Variants in EXOC6 observed in about 807,000 individuals in gnomAD.
The protein encoded by EXOC6 is SEC15-like 1.
Under a neutral mutation model 112.5 loss-of-function variants are expected in EXOC6, and 60 were observed. The ratio of observed to expected loss-of-function variants is 0.53; its 90% CI spans 0.43 to 0.66. EXOC6 has a LOEUF of 0.66. Ranked by LOEUF, EXOC6 falls within the 30% of genes least tolerant of loss-of-function variation. The pLI is 0.00. For synonymous variants in EXOC6, 295 were observed against 308.0 expected (o/e 0.96, Z 0.44); for missense variants, 855 against 957.1 (o/e 0.89, Z 1.41).
At chr10:92,949,875 C>T (rs1412700553) in intron 14 of EXOC6, among the ~76,000 whole-genome samples, 4 of 152,102 alleles carry the variant, frequency 2.6e-5, no homozygotes, top group African/African-American at 4.8e-5. Flanking sequence ...GGATTACAGG[C>T]GTGAGCCACT....
chr10:92,915,771 A>C lies in EXOC6; in HGVS notation c.677A>C (p.Lys226Thr). The C allele has an allele frequency of 3.9e-6, 6 of 1,529,634 alleles. No individual in the cohort carries two copies. The highest frequency in any genetic ancestry group is 5.2e-6 in the Non-Finnish European group (6 of 1,150,480). 94.8% of individuals were successfully genotyped at this position (1,529,634 alleles called of 1,614,324 possible). ...ETAMKQAQHQKTFSVSLQKQN... is the reference protein window; with the variant it reads ...ETAMKQAQHQTTFSVSLQKQN... Reference sequence around the variant, plus strand: ...TCTTCAAAATAGGCACAGCATCAGAAAACCTTCAGTGTTTCTCTGCAGAAA... The same window carrying C: ...TCTTCAAAATAGGCACAGCATCAGACAACCTTCAGTGTTTCTCTGCAGAAA... Residue 226 changes from lysine to threonine, a missense_variant, in exon 7 of 22, where the codon AAA becomes ACA. Transcript: ENST00000260762.
chr10:92,883,428 G>T (rs888781077), intron 1 of EXOC6, among the ~76,000 whole-genome samples: 9 of 152,124 alleles, frequency 5.9e-5, no homozygotes, highest in African/African-American at 2.2e-4. Context: ...TTAATATTCA[G>T]AAAAATATAG....
chr10:92,973,921 C>G, intron 17 of EXOC6, 132 bp from the exon 18 acceptor site: 1 of 698,744 alleles, frequency 1.4e-6, no homozygotes, highest in Non-Finnish European at 2.2e-6. Context: ...AAAAAACCAA[C>G]AGTTTTCCTG....
intron 20 of EXOC6, among the ~76,000 whole-genome samples, chr10:93,048,467 C>T (rs892878446): frequency 1.3e-5 from 2 of 150,982 alleles, no homozygotes; most frequent in East Asian, 2.0e-4. Flanking sequence ...GGTGAAACCT[C>T]GTCTCTAATA....
chr10:92,909,682 G>A lies in EXOC6; in HGVS notation c.663+51G>A, dbSNP rs758067467. On this transcript the variant is annotated intron_variant, in intron 6 of 21. Coordinates refer to ENST00000260762, the MANE Select transcript of EXOC6 (RefSeq NM_019053.6). ...AATATTATTTAGTAATACAGGATCT[G>A]GAAAATATCCAAGGTTTACTTCTTT... 5 of 1,109,590 alleles carry A rather than the reference G, an allele frequency of 4.5e-6. No homozygotes were observed. The East Asian group carries it at 7.9e-5, about 18-fold the overall frequency. The allele number at this position is 1,109,590 out of a possible 1,614,324, so 68.7% of individuals were successfully genotyped here.
chr10:93,044,172 T>C (rs956447069), intron 20 of EXOC6, among the ~76,000 whole-genome samples: 1 of 152,246 alleles, frequency 6.6e-6, no homozygotes, highest in Non-Finnish European at 1.5e-5. Flanking sequence ...ACTACATTTA[T>C]CTGTTGAAAC....
intron 18 of EXOC6, among the ~76,000 whole-genome samples, chr10:92,975,812 C>T (rs1842553833): frequency 7.4e-6 from 1 of 134,426 alleles, no homozygotes. Context: ...CCCCCGCGCC[C>T]GGCCAGCCGC....
chr10:92,994,052 C>T (rs1843375865), intron 18 of EXOC6, among the ~76,000 whole-genome samples: 1 of 152,204 alleles, frequency 6.6e-6, no homozygotes, highest in Non-Finnish European at 1.5e-5. Flanking sequence ...TGTTACTGGT[C>T]TCAGTCTGAC....
At chr10:92,910,938 A>AGTAATTTGGGGTATATATGGAGTGAGTGG in intron 6 of EXOC6, among the ~76,000 whole-genome samples, 1 of 47,408 alleles carries the variant, frequency 2.1e-5, no homozygotes, top group Non-Finnish European at 3.9e-5. Flanking sequence ...CAATAATAAT[A>AGTAATTTGGGGTATATATGGAGTGAGTGG]ATAATTTGGG....
At chr10:92,850,895 A>G (rs551700911) in intron 1 of EXOC6, among the ~76,000 whole-genome samples, 77 of 152,328 alleles carry the variant, frequency 5.1e-4, no homozygotes, top group African/African-American at 1.9e-3. Context: ...AACTTTCCGC[A>G]GGCCCTGACA....
At chr10:92,999,360 G>T in intron 19 of EXOC6, 1 of 356,754 alleles carries the variant, frequency 2.8e-6, no homozygotes. Flanking sequence ...ACTGTGCCTG[G>T]CCATTTTTAT....
At position 92,935,748 on chromosome 10, in the gene EXOC6, TTTAATCA is replaced by T; in HGVS notation, c.1141-64_1141-58del. The T allele has an allele frequency of 4.7e-6, 5 of 1,070,178 alleles. No individual in the cohort carries two copies. In the South Asian group the frequency reaches 6.7e-5, roughly 14 times the overall value. 66.3% of individuals were successfully genotyped at this position (1,070,178 alleles called of 1,614,324 possible). On this transcript the variant is annotated intron_variant, in intron 11 of 21. Transcript: ENST00000260762. ...ATTATCAATTTCTTATTTCTTAGTT[TTTAATCA>T]TATGACTCTGGTTTGTTGTTGTCGG... is the stretch of plus-strand genomic sequence containing the variant.
At chr10:92,882,970 T>C (rs558980996) in intron 1 of EXOC6, among the ~76,000 whole-genome samples, 1 of 152,214 alleles carries the variant, frequency 6.6e-6, no homozygotes, top group African/African-American at 2.4e-5. Context: ...CCAGGATCCA[T>C]ACGAGAGGCA....
chr10:92,988,210 C>T (rs1462015929), intron 18 of EXOC6, among the ~76,000 whole-genome samples: 2 of 152,160 alleles, frequency 1.3e-5, no homozygotes, highest in Non-Finnish European at 2.9e-5. Context: ...TATTGGTCTT[C>T]TGAATTGCCT....
intron 13 of EXOC6, among the ~76,000 whole-genome samples, chr10:92,944,369 T>C (rs899184716): frequency 3.9e-5 from 6 of 152,042 alleles, no homozygotes; most frequent in Non-Finnish European, 8.8e-5. Flanking sequence ...CCCAAGTAGT[T>C]GGGATTACAG....
intron 1 of EXOC6, among the ~76,000 whole-genome samples, chr10:92,876,191 G>C (rs1024630628): frequency 2.0e-5 from 3 of 151,954 alleles, no homozygotes; most frequent in Non-Finnish European, 4.4e-5. Flanking sequence ...TTCTCATTTT[G>C]TGTGAAATTT....
intron 18 of EXOC6, among the ~76,000 whole-genome samples, chr10:92,996,442 T>C (rs1028035987): frequency 4.6e-5 from 7 of 152,034 alleles, no homozygotes; most frequent in Non-Finnish European, 8.8e-5. Flanking sequence ...ATGGTGAAAC[T>C]CTGTCTCTAC....
rs146251187 is a variant in EXOC6 at position 93,050,900 on chromosome 10, A to T, written c.2170-6024A>T. ...ACAACAACAACAGAAAACACAAAAA[A>T]CAAATAAGTAAGGAGTTAAACATGG... On this transcript the variant is annotated intron_variant, in intron 20 of 21. Coordinates refer to ENST00000260762, the MANE Select transcript of EXOC6 (RefSeq NM_019053.6). Among the ~76,000 whole-genome samples the T allele has an allele frequency of 5.8e-3, 876 of 152,160 alleles. 8 individuals carry two copies. Among genetic ancestry groups the T allele is most frequent in the African/African-American group, 0.02 (817 of 41,512 alleles).
chr10:93,045,620 T>C (rs2134349575), intron 20 of EXOC6, among the ~76,000 whole-genome samples: 1 of 152,358 alleles, frequency 6.6e-6, no homozygotes, highest in South Asian at 2.1e-4. Context: ...GCAGATCTTA[T>C]TTCTTCGTAG....
Sources: gnomAD v4.1 joint callset for allele counts (sites outside exome capture counted in the v4.1 genomes callset) on GRCh38, gnomAD v4.1.1 for gene constraint, MANE v1.5 for transcripts, NCBI Gene and HGNC (gene_info 2026-07-23, HGNC 2026-07-21) for gene names.